IRAK4: variants seen among roughly 807,000 people sequenced by gnomAD.
The protein encoded by IRAK4 is interleukin-1 receptor-associated kinase 4.
In IRAK4, 44 loss-of-function variants were observed where a neutral mutation model predicts 51.8. That is an observed-to-expected ratio of 0.85 (90% CI 0.67 to 1.09). IRAK4 has a LOEUF of 1.09. Ranked by LOEUF, IRAK4 falls within the 50% of genes least tolerant of loss-of-function variation. The probability of loss-of-function intolerance (pLI) is 0.00; values close to 1 mark genes in which losing one functional copy is unlikely to be tolerated. For synonymous variants in IRAK4, 149 were observed against 174.1 expected, an observed-to-expected ratio of 0.86 and a Z score of 1.13; for missense variants, 487 against 538.0, an observed-to-expected ratio of 0.91 and a Z score of 0.94.
intron 1 of IRAK4, among the ~76,000 whole-genome samples, chr12:43,765,319 C>T (rs920687519): frequency 2.0e-5 from 3 of 152,190 alleles, no homozygotes; most frequent in Non-Finnish European, 2.9e-5. Context: ...CCTCGAAAAT[C>T]GATGTGGATG....
Position 43,783,662 on chromosome 12 carries a change from G to C in IRAK4, c.1126G>C (p.Val376Leu). 6.3e-7 allele frequency: 1 copy of C among 1,595,434 alleles called. No homozygotes were observed. Among genetic ancestry groups the C allele is most frequent in the Non-Finnish European group, 8.6e-7 (1 of 1,164,032 alleles). Residue 376 changes from valine (V) to leucine (L), a missense_variant and splice_region_variant, in exon 10 of 12, where the codon GTT (valine) becomes CTT (leucine). Val to Leu is a conservative substitution (Grantham distance 32). Transcript: ENST00000613694. Reference sequence around the variant, plus strand: ...TTAATGATTTTTTTTGTCTTCATAGGTTTTACTAGAAATAATAACTGGACT... The same window carrying C: ...TTAATGATTTTTTTTGTCTTCATAGCTTTTACTAGAAATAATAACTGGACT... ...PKSDIYSFGVVLLEIITGLPA... is the reference protein window; with the variant it reads ...PKSDIYSFGVLLLEIITGLPA...
chr12:43,765,596 A>C (rs1940044914), intron 1 of IRAK4, among the ~76,000 whole-genome samples: 1 of 151,630 alleles, frequency 6.6e-6, no homozygotes, highest in Admixed American at 6.6e-5. Context: ...ATGAATGATA[A>C]GTTAGTATGA....
In IRAK4 at chr12:43,777,327, C is replaced by T. The variant is rs144576031; in HGVS notation, c.717-303C>T. Among the ~76,000 whole-genome samples the T allele has an allele frequency of 1.8e-4, 28 of 152,064 alleles. No individual in the cohort carries two copies. In the East Asian group the frequency reaches 5.4e-3, roughly 29 times the overall value. Reference sequence around the variant, plus strand: ...TCACTTGAGTCCAGATGGTCGAGGCCGCAGTGAGCTATGATTACACCACTG... The same window carrying T: ...TCACTTGAGTCCAGATGGTCGAGGCTGCAGTGAGCTATGATTACACCACTG... On this transcript the variant is annotated intron_variant, in intron 6 of 11. Transcript: ENST00000613694.
chr12:43,778,055 C>G (rs1941447390), intron 7 of IRAK4, 138 bp from the exon 8 acceptor site: 1 of 643,156 alleles, frequency 1.6e-6, no homozygotes, highest in African/African-American at 1.8e-5. Context: ...TTTTTAATAA[C>G]TTAAAAATGT....
intron 1 of IRAK4, 90 bp from the exon 2 acceptor site, chr12:43,768,013 C>A: frequency 1.1e-6 from 1 of 900,712 alleles, no homozygotes; most frequent in Non-Finnish European, 1.8e-6. Flanking sequence ...GCTGACATTT[C>A]ATATGATATA....
chr12:43,782,319 A>G lies in IRAK4; in HGVS notation c.954A>G (p.Leu318=). ...IHRDIKSANI[L]LDEAFTAKIS... ...ACATTTTTTTCAGTGCAAATATCTT[A>G]CTGGATGAAGCTTTTACTGCTAAAA... The change falls in exon 9 of 12, where the codon TTA becomes TTG. Residue 318 remains leucine (L), a synonymous_variant. Transcript: ENST00000613694. 1 of 1,612,650 alleles carries G rather than the reference A, an allele frequency of 6.2e-7. No individual in the cohort carries two copies. The highest frequency in any genetic ancestry group is 1.3e-5 in the African/African-American group (1 of 74,980).
intron 8 of IRAK4, 41 bp from the exon 9 acceptor site, chr12:43,782,265 TG>T (rs1395547766): frequency 2.8e-6 from 4 of 1,434,868 alleles, no homozygotes; most frequent in Non-Finnish European, 3.9e-6. Flanking sequence ...TTTTTTGGGG[TG>T]GGAAAAACAT....
chr12:43,778,188 A>G lies in IRAK4; in HGVS notation c.832-5A>G. On this transcript the variant is annotated splice_polypyrimidine_tract_variant and splice_region_variant and intron_variant, in intron 7 of 11. Coordinates refer to ENST00000613694, the MANE Select transcript of IRAK4 (RefSeq NM_016123.4). ...CATTTTTAATTTGGTTTATTTCTTT[A>G]TAAGGATGGTACTCCACCACTTTCT... 1 of 1,527,928 alleles carries G rather than the reference A, an allele frequency of 6.5e-7. No homozygotes were observed. The highest frequency in any genetic ancestry group is 9.1e-7 in the Non-Finnish European group (1 of 1,101,608). 94.6% of individuals were successfully genotyped at this position (1,527,928 alleles called of 1,614,324 possible).
rs4251478 is a variant in IRAK4, at chr12:43,774,213, C to T, written c.716+184C>T. ...CCATAATTCTATGATTACATATACTCATATGCCTGGAGATTAAATAGCAGT... is the reference window on the plus strand; with the variant it reads ...CCATAATTCTATGATTACATATACTTATATGCCTGGAGATTAAATAGCAGT... On this transcript the variant is annotated intron_variant, in intron 6 of 11. Coordinates refer to ENST00000613694, the MANE Select transcript of IRAK4 (RefSeq NM_016123.4). Among the ~76,000 whole-genome samples the T allele has an allele frequency of 8.4e-3, 1,280 of 152,258 alleles. 18 individuals are homozygous for T. The highest frequency in any genetic ancestry group is 0.028 in the African/African-American group (1,158 of 41,550).
chr12:43,762,681 CAG>C (rs1939691086), intron 1 of IRAK4, among the ~76,000 whole-genome samples: 2 of 152,078 alleles, frequency 1.3e-5, no homozygotes, highest in South Asian at 4.1e-4. Context: ...ATTATTATAA[CAG>C]AAGAATGACT....
Position 43,783,736 on chromosome 12 carries a change from AT to A in IRAK4, c.1188+14del. On this transcript the variant is annotated intron_variant, in intron 10 of 11. Coordinates refer to ENST00000613694, the MANE Select transcript of IRAK4 (RefSeq NM_016123.4). ...AACCTCAGTTATTGGTAAATGAAATATTCATTTTCCTCAATCCTTTTTTCTC... is the reference window on the plus strand; with the variant it reads ...AACCTCAGTTATTGGTAAATGAAATATCATTTTCCTCAATCCTTTTTTCTC... 1 of 1,545,840 alleles carries A rather than the reference AT, an allele frequency of 6.5e-7. No individual in the cohort carries two copies. The highest frequency in any genetic ancestry group is 1.1e-5 in the South Asian group (1 of 89,326).
At chr12:43,778,774 ATATAT>A (rs1353373704) in intron 8 of IRAK4, among the ~76,000 whole-genome samples, 2 of 151,762 alleles carry the variant, frequency 1.3e-5, no homozygotes, top group Non-Finnish European at 2.9e-5. Context: ...CAGTTCACAT[ATATAT>A]TATATGTATT....
chr12:43,760,308 G>T (rs1159275571), intron 1 of IRAK4, among the ~76,000 whole-genome samples: 2 of 152,164 alleles, frequency 1.3e-5, no homozygotes, highest in African/African-American at 4.8e-5. Context: ...CCTGCAGCAC[G>T]TCCCACCTGG....
intron 1 of IRAK4, among the ~76,000 whole-genome samples, chr12:43,763,668 C>T (rs1170757728): frequency 2.0e-5 from 3 of 151,962 alleles, no homozygotes; most frequent in Non-Finnish European, 4.4e-5. Context: ...TACTCTCTTG[C>T]ATGCTCTCCT....
At chr12:43,781,442 C>T (rs954696353) in intron 8 of IRAK4, among the ~76,000 whole-genome samples, 1 of 152,168 alleles carries the variant, frequency 6.6e-6, no homozygotes, top group Non-Finnish European at 1.5e-5. Flanking sequence ...GACACTCGTT[C>T]CTTGAAGTTG....
chr12:43,768,989 T>C (rs1019202513), intron 2 of IRAK4, among the ~76,000 whole-genome samples: 1 of 152,210 alleles, frequency 6.6e-6, no homozygotes, highest in African/African-American at 2.4e-5. Context: ...CAGGAAATAT[T>C]TCCTCATAAG....
chr12:43,786,126 TG>T (rs1428710580), intron 10 of IRAK4, among the ~76,000 whole-genome samples: 2 of 151,344 alleles, frequency 1.3e-5, no homozygotes, highest in Non-Finnish European at 2.9e-5. Flanking sequence ...CTCTGCCTCC[TG>T]GGTTCAAACG....
At chr12:43,773,113 A>G (rs1565672696) in intron 5 of IRAK4, 41 bp downstream of exon 5, 2 of 1,560,470 alleles carry the variant, frequency 1.3e-6, no homozygotes, top group Admixed American at 3.4e-5. Context: ...GAGTTGCTTC[A>G]TAGTGTGCCC....
chr12:43,779,833 T>A (rs563568860), intron 8 of IRAK4, among the ~76,000 whole-genome samples: 1 of 152,210 alleles, frequency 6.6e-6, no homozygotes, highest in Non-Finnish European at 1.5e-5. Context: ...CAGTGTGATA[T>A]ACAGATTTGG....
Sources: allele counts gnomAD v4.1 joint callset (sites outside exome capture counted in the v4.1 genomes callset), GRCh38; gene constraint gnomAD v4.1.1; transcripts MANE v1.5; gene names NCBI Gene and HGNC (gene_info 2026-07-23, HGNC 2026-07-21).